ADGRF3: variants seen among roughly 807,000 people sequenced by gnomAD.
ADGRF3 encodes G protein-coupled receptor 113.
In ADGRF3, 85 loss-of-function variants were observed where a neutral mutation model predicts 93.2. That is an observed-to-expected ratio of 0.91 (90% CI 0.77 to 1.09). The LOEUF (loss-of-function observed/expected upper bound fraction) is 1.09. Among genes scored for constraint, ADGRF3 ranks in the 50% least tolerant of loss-of-function variants. The pLI, the probability that ADGRF3 is intolerant of heterozygous loss-of-function variation, is 0.00. For missense variants in ADGRF3, 1,125 were observed against 1,246.2 expected (o/e 0.90, Z 1.46); for synonymous variants, 534 against 532.5 (o/e 1.00, Z -0.04).
intron 1 of ADGRF3, among the ~76,000 whole-genome samples, chr2:26,324,340 AT>A (rs1283661983): frequency 3.3e-5 from 5 of 151,576 alleles, no homozygotes; most frequent in South Asian, 2.1e-4. Context: ...ATCTTGGTGT[AT>A]TTTTTTTTAA....
At chr2:26,324,983 G>A (rs1675364013) in intron 1 of ADGRF3, among the ~76,000 whole-genome samples, 1 of 152,178 alleles carries the variant, frequency 6.6e-6, no homozygotes, top group African/African-American at 2.4e-5. Context: ...GCCAGCATCT[G>A]TTAATTTTTG....
chr2:26,318,076 G>A (rs752500371), intron 1 of ADGRF3: 64 of 1,550,730 alleles, frequency 4.1e-5, no homozygotes, highest in Admixed American at 1.4e-4. Context: ...TTGGGCCATC[G>A]GCCAAAGCTA....
In ADGRF3 at chr2:26,311,034, T is replaced by G. The variant is rs1205232183; in HGVS notation, c.2490A>C (p.Ala830=). The G allele has an allele frequency of 7.4e-6, 12 of 1,611,368 alleles. No individual in the cohort carries two copies. The highest frequency in any genetic ancestry group is 1.6e-4 in the Middle Eastern group (1 of 6,062). The change falls in exon 10 of 14, where the codon GCA becomes GCC. Residue 830 remains alanine, a synonymous_variant. Transcript: ENST00000651242. ...GTAGGTAGAGCCCCAGGGTGACACC[T>G]GCCAACCCCAGTGGGCACAGGTAGC... ...LLGYLCPLGL[A]GVTLGLYLPQ...
intron 2 of ADGRF3, 106 bp downstream of exon 2, chr2:26,317,390 C>A (rs1419879610): frequency 9.2e-7 from 1 of 1,086,344 alleles, no homozygotes. Flanking sequence ...CTCTCCGCCA[C>A]CACTCCCTCG....
At chr2:26,312,514 T>C (rs1394891157) in intron 9 of ADGRF3, among the ~76,000 whole-genome samples, 1 of 152,194 alleles carries the variant, frequency 6.6e-6, no homozygotes, top group Non-Finnish European at 1.5e-5. Flanking sequence ...TTCCCAGGCA[T>C]AAACGGTGTG....
At chr2:26,340,920 A>C (rs1440400305) in intron 1 of ADGRF3, among the ~76,000 whole-genome samples, 1 of 152,228 alleles carries the variant, frequency 6.6e-6, no homozygotes, top group Non-Finnish European at 1.5e-5. Context: ...TGCCTTCAAA[A>C]AAAAAAGAAT....
At chr2:26,342,937 TAC>T (rs1242313171) in intron 1 of ADGRF3, among the ~76,000 whole-genome samples, 1 of 152,150 alleles carries the variant, frequency 6.6e-6, no homozygotes, top group Non-Finnish European at 1.5e-5. Context: ...TCTGCGAAAA[TAC>T]AGTCATGCAT....
At chr2:26,326,282 C>G (rs1172591181) in intron 1 of ADGRF3, among the ~76,000 whole-genome samples, 3 of 152,160 alleles carry the variant, frequency 2.0e-5, no homozygotes, top group African/African-American at 7.2e-5. Flanking sequence ...GCTCATTCTC[C>G]AAGTCTTACC....
intron 1 of ADGRF3, among the ~76,000 whole-genome samples, chr2:26,321,799 C>T (rs943947900): frequency 2.6e-5 from 4 of 151,632 alleles, no homozygotes; most frequent in Non-Finnish European, 4.4e-5. Flanking sequence ...TGGTGAAACC[C>T]CGTTTCTACT....
chr2:26,332,442 G>A (rs990598739), intron 1 of ADGRF3, among the ~76,000 whole-genome samples: 1 of 152,118 alleles, frequency 6.6e-6, no homozygotes, highest in Non-Finnish European at 1.5e-5. Context: ...AACAAAAAGT[G>A]ATGAATACAA....
intron 1 of ADGRF3, among the ~76,000 whole-genome samples, chr2:26,323,777 C>T (rs1432842466): frequency 6.6e-6 from 1 of 151,870 alleles, no homozygotes; most frequent in African/African-American, 2.4e-5. Context: ...TTACAGGTGC[C>T]CACCACCACA....
At chr2:26,333,602 G>A (rs550008057) in intron 1 of ADGRF3, among the ~76,000 whole-genome samples, 1 of 151,776 alleles carries the variant, frequency 6.6e-6, no homozygotes, top group Admixed American at 6.6e-5. Context: ...TTATGTCACA[G>A]GGAGCAATTC....
At position 26,324,004 on chromosome 2, in the gene ADGRF3, G is replaced by A. The variant is rs145945318; in HGVS notation, c.115-6442C>T. 1.8e-3 allele frequency among the ~76,000 whole-genome samples: 274 copies of A among 152,260 alleles called. 2 individuals carry two copies. The highest frequency in any genetic ancestry group is 5.1e-3 in the African/African-American group (212 of 41,572). ...TGCCTGTAATCCCAGCACTTTGGGA[G>A]GCCGAGGCGGGTGGATTGCTTAAGG... On this transcript the variant is annotated intron_variant, in intron 1 of 13. Transcript: ENST00000651242.
intron 2 of ADGRF3, 52 bp from the exon 3 acceptor site, chr2:26,317,107 C>T (rs146606876): frequency 1.2e-5 from 19 of 1,554,260 alleles, no homozygotes; most frequent in Non-Finnish European, 1.6e-5. Context: ...GGCCACAAGC[C>T]GGTCCCCTCT....
intron 1 of ADGRF3, among the ~76,000 whole-genome samples, chr2:26,328,057 C>T (rs1558396148): frequency 6.6e-6 from 1 of 152,112 alleles, no homozygotes; most frequent in Non-Finnish European, 1.5e-5. Flanking sequence ...CCTTGTGATT[C>T]GAGACAACCA....
intron 5 of ADGRF3, 45 bp downstream of exon 5, chr2:26,315,477 G>A: frequency 6.5e-7 from 1 of 1,529,352 alleles, no homozygotes; most frequent in Non-Finnish European, 8.8e-7. Context: ...ATGAAGGGAA[G>A]TAAGAGGAAG....
chr2:26,323,633 G>GT (rs71399383), intron 1 of ADGRF3, among the ~76,000 whole-genome samples: 7,438 of 138,790 alleles, frequency 0.054, 548 homozygotes, highest in African/African-American at 0.17. Flanking sequence ...TTCTGTGTTT[G>GT]TTTTTTTTTT....
intron 1 of ADGRF3, among the ~76,000 whole-genome samples, chr2:26,329,430 G>A (rs1019644835): frequency 3.3e-5 from 5 of 152,252 alleles, no homozygotes; most frequent in Non-Finnish European, 5.9e-5. Flanking sequence ...ACTGTGTCCA[G>A]TGAAACTGAT....
rs1180588359 is a variant in ADGRF3 at position 26,308,255 on chromosome 2, C to T, written c.*831G>A. 1 of 152,032 alleles carries T rather than the reference C, an allele frequency of 6.6e-6. No homozygotes were observed. The highest frequency in any genetic ancestry group is 1.5e-5 in the Non-Finnish European group (1 of 68,004). The allele number at this position is 152,032 out of a possible 1,614,324, so 9.4% of individuals were successfully genotyped here. A position where few individuals can be genotyped will look rare whatever the true frequency, so the allele number is the denominator to read the frequency against. On this transcript the variant is annotated 3_prime_UTR_variant, in exon 14 of 14. Coordinates refer to ENST00000651242, the MANE Select transcript of ADGRF3 (RefSeq NM_001321971.2). ...AAATATCCATGAATTGCATAATTAA[C>T]AAAGACCGATTCATCAGACTTTTTT...
Sources: allele counts gnomAD v4.1 joint callset (sites outside exome capture counted in the v4.1 genomes callset), GRCh38; gene constraint gnomAD v4.1.1; transcripts MANE v1.5; gene names NCBI Gene and HGNC (gene_info 2026-07-23, HGNC 2026-07-21).